The following RALGAPB variants were observed in gnomAD, a reference collection of about 807,000 sequenced individuals.
RALGAPB encodes the protein Ral GTPase activating protein non-catalytic subunit beta.
RALGAPB carries 25 observed loss-of-function variants against 161.1 expected under a neutral mutation model. The ratio of observed to expected loss-of-function variants is 0.16; its 90% CI spans 0.11 to 0.22. The LOEUF (loss-of-function observed/expected upper bound fraction) is 0.22, where lower values mean the gene tolerates loss of function less well. Among genes scored for constraint, RALGAPB ranks in the 10% least tolerant of loss-of-function variants. RALGAPB has a pLI of 1.00. For synonymous variants in RALGAPB, 629 were observed against 626.1 expected, an observed-to-expected ratio of 1.00 and a Z score of -0.07; for missense variants, 1,391 against 1,815.2, an observed-to-expected ratio of 0.77 and a Z score of 4.25.
intron 7 of RALGAPB, chr20:38,516,628 C>A (rs2086132213): frequency 2.8e-6 from 1 of 362,684 alleles, no homozygotes; most frequent in Non-Finnish European, 5.0e-6. Flanking sequence ...GTTACTTTTG[C>A]ACCCACCTAA....
In RALGAPB at chr20:38,532,748, C is replaced by G. The variant is rs6064667; in HGVS notation, c.2134C>G (p.Leu712Val). 1.2e-6 allele frequency: 2 copies of G among 1,613,754 alleles called. No individual in the cohort carries two copies. The highest frequency in any genetic ancestry group is 2.2e-5 in the East Asian group (1 of 44,884). Residue 712 changes from leucine to valine, a missense_variant, in exon 15 of 30, where the codon CTG becomes GTG. Coordinates refer to ENST00000262879, the MANE Select transcript of RALGAPB (RefSeq NM_020336.4). The stretch of plus-strand genomic sequence containing the variant: ...TGACTAGGGTGGTGGAGAAAATAAC[C>G]TGAAGAGTCATAGTCGCACCAATAG... ...QMEMGGGENN[L>V]KSHSRTNSGI... is the part of the protein sequence containing the mutation.
rs55916951 is a variant in RALGAPB, at chr20:38,528,345, T to TTTTATTTA, written c.2050+2340_2050+2347dup. Among the ~76,000 whole-genome samples the TTTTATTTA allele has an allele frequency of 4.3e-3, 639 of 147,352 alleles. 3 individuals are homozygous for TTTTATTTA. Among genetic ancestry groups the TTTTATTTA allele is most frequent in the African/African-American group, 0.015 (580 of 39,884 alleles). On this transcript the variant is annotated intron_variant, in intron 13 of 29. Coordinates refer to ENST00000262879, the MANE Select transcript of RALGAPB (RefSeq NM_020336.4). ...AGTTTGACCTTCACATTCATTTTAT[T>TTTTATTTA]TTTATTTATTTATTTATTTATTTAT...
intron 22 of RALGAPB, 113 bp downstream of exon 22, chr20:38,554,189 T>A: frequency 1.2e-5 from 12 of 961,310 alleles, no homozygotes; most frequent in Non-Finnish European, 1.7e-5. Context: ...AAAAACTGGT[T>A]AAAATTTTAG....
intron 22 of RALGAPB, among the ~76,000 whole-genome samples, chr20:38,555,697 G>A (rs2087564658): frequency 6.6e-6 from 1 of 152,174 alleles, no homozygotes. Context: ...ATCTGTTCTA[G>A]TTGAAACTTA....
rs1453127367 is a variant in RALGAPB at position 38,517,794 on chromosome 20, C to G, written c.1211C>G (p.Ala404Gly). ...ATMKTSTVSTAHASKVQHQTS... is the reference protein window; with the variant it reads ...ATMKTSTVSTGHASKVQHQTS... ...GTGTTCGTCTAATAGGTTAGTACTG[C>G]TCATGCCTCTAAAGTTCAGCACCAG... The change falls in exon 9 of 30, where the codon GCT becomes GGT. Residue 404 changes from alanine (A) to glycine (G), a missense_variant. Transcript: ENST00000262879. The G allele has an allele frequency of 6.2e-7, 1 of 1,612,710 alleles. No individual in the cohort carries two copies. Among genetic ancestry groups the G allele is most frequent in the African/African-American group, 1.3e-5 (1 of 75,008 alleles).
At chr20:38,502,797 G>C (rs990177613) in intron 5 of RALGAPB, among the ~76,000 whole-genome samples, 5 of 152,196 alleles carry the variant, frequency 3.3e-5, no homozygotes, top group Admixed American at 6.5e-5. Context: ...TAGAGTCAGG[G>C]ATTCTCCATG....
chr20:38,517,457 A>T lies in RALGAPB; in HGVS notation c.1052-49A>T, dbSNP rs201127527. On this transcript the variant is annotated intron_variant, in intron 7 of 29. Coordinates refer to ENST00000262879, the MANE Select transcript of RALGAPB (RefSeq NM_020336.4). ...ACTGGGAGAAATTTTCTGATCATAT[A>T]TTTTGACCTATGAAGAATAATTTCA... 202 of 1,504,228 alleles carry T rather than the reference A, an allele frequency of 1.3e-4. No individual in the cohort carries two copies. In the Middle Eastern group the frequency reaches 1.6e-3, roughly 12 times the overall value. The allele number at this position is 1,504,228 out of a possible 1,614,324, so 93.2% of individuals were successfully genotyped here.
chr20:38,511,767 C>G (rs1241817847), intron 6 of RALGAPB, among the ~76,000 whole-genome samples: 2 of 152,254 alleles, frequency 1.3e-5, no homozygotes, highest in Non-Finnish European at 2.9e-5. Flanking sequence ...ATCTCTCTTT[C>G]TTTTCCCCAC....
chr20:38,476,155 T>C (rs1334076636), intron 1 of RALGAPB, among the ~76,000 whole-genome samples: 2 of 152,192 alleles, frequency 1.3e-5, no homozygotes, highest in Non-Finnish European at 2.9e-5. Context: ...TCTGTAGTTG[T>C]GCCCCAAAGT....
intron 13 of RALGAPB, 58 bp downstream of exon 13, chr20:38,526,100 G>A (rs2086458159): frequency 6.4e-7 from 1 of 1,571,672 alleles, no homozygotes. Flanking sequence ...CTACAGGCCT[G>A]CTGAGGAGGC....
intron 19 of RALGAPB, chr20:38,546,953 T>C (rs2087187916): frequency 6.5e-6 from 1 of 154,144 alleles, no homozygotes; most frequent in African/African-American, 2.4e-5. Context: ...GTCCTTATTA[T>C]TTCTCACCTA....
chr20:38,497,737 C>T (rs1249673680), intron 4 of RALGAPB, among the ~76,000 whole-genome samples: 1 of 152,074 alleles, frequency 6.6e-6, no homozygotes, highest in Non-Finnish European at 1.5e-5. Flanking sequence ...TAGGGAGGGA[C>T]TCAGTGAATT....
At chr20:38,573,914 TAGCTTAGAA>T (rs1263712065) in intron 28 of RALGAPB, 5 of 317,074 alleles carry the variant, frequency 1.6e-5, no homozygotes, top group African/African-American at 8.6e-5. Flanking sequence ...TCCTTTCTGT[TAGCTTAGAA>T]AGCTTGACCC....
chr20:38,522,524 T>C (rs2086321591), intron 10 of RALGAPB, among the ~76,000 whole-genome samples: 1 of 152,188 alleles, frequency 6.6e-6, no homozygotes, highest in Non-Finnish European at 1.5e-5. Context: ...CATAATGGCC[T>C]CCCGTTCTTC....
In RALGAPB at chr20:38,499,630, C is replaced by T; in HGVS notation, c.737C>T (p.Ser246Phe). 6.2e-7 allele frequency: 1 copy of T among 1,609,624 alleles called. No homozygotes were observed. Among genetic ancestry groups the T allele is most frequent in the Non-Finnish European group, 8.5e-7 (1 of 1,178,108 alleles). Reference protein sequence around the residue: ...QWSKVICALTSRLLRFTYGPS... With the variant: ...QWSKVICALTFRLLRFTYGPS... Reference sequence around the variant, plus strand: ...AGCAAGGTCATTTGTGCACTCACTTCCAGGTAGGTTATTGTCATTGCCCTG... The same window carrying T: ...AGCAAGGTCATTTGTGCACTCACTTTCAGGTAGGTTATTGTCATTGCCCTG... The change falls in exon 5 of 30, where the codon TCC becomes TTC. Residue 246 changes from serine to phenylalanine, a missense_variant. Physicochemically the swap from Ser to Phe is radical, Grantham distance 155. This residue lies in a region of RALGAPB where 946 missense variants were observed against 1,257.2 expected (regional missense o/e 0.75). Transcript: ENST00000262879.
intron 5 of RALGAPB, among the ~76,000 whole-genome samples, chr20:38,500,577 C>G (rs2085559264): frequency 6.6e-6 from 1 of 152,138 alleles, no homozygotes; most frequent in South Asian, 2.1e-4. Context: ...CAATTAGTAA[C>G]TCTATAATGG....
chr20:38,504,595 TAA>T (rs1309833791), intron 5 of RALGAPB, among the ~76,000 whole-genome samples: 1 of 152,136 alleles, frequency 6.6e-6, no homozygotes, highest in African/African-American at 2.4e-5. Context: ...CTAATTAAAC[TAA>T]AGAGTTTGCA....
chr20:38,503,955 A>G (rs2085673478), intron 5 of RALGAPB, among the ~76,000 whole-genome samples: 1 of 152,248 alleles, frequency 6.6e-6, no homozygotes, highest in Non-Finnish European at 1.5e-5. Context: ...AAAACATTCC[A>G]TGTTCATGGA....
intron 13 of RALGAPB, among the ~76,000 whole-genome samples, chr20:38,530,410 T>G (rs1211628419): frequency 2.6e-5 from 4 of 152,038 alleles, no homozygotes; most frequent in Non-Finnish European, 5.9e-5. Context: ...TTTTGATAAA[T>G]TTTAGCTTTT....
Sources: allele counts gnomAD v4.1 joint callset (sites outside exome capture counted in the v4.1 genomes callset), GRCh38; gene constraint gnomAD v4.1.1; regional missense constraint gnomAD v4.1.1; transcripts MANE v1.5; gene names NCBI Gene and HGNC (gene_info 2026-07-23, HGNC 2026-07-21).